RSU1: variants seen among roughly 807,000 people sequenced by gnomAD.
RSU1 encodes the protein Ras suppressor protein 1, also known as rsu-1.
RSU1 carries 26 observed loss-of-function variants against 31.1 expected under a neutral mutation model. The ratio of observed to expected loss-of-function variants is 0.84; its 90% confidence interval spans 0.61 to 1.16. RSU1 has a LOEUF of 1.16. Among genes scored for constraint, RSU1 ranks in the 50% most tolerant of loss-of-function variants. The probability of loss-of-function intolerance (pLI) is 0.00; values close to 1 mark genes in which losing one functional copy is unlikely to be tolerated. For synonymous variants in RSU1, 164 were observed against 136.3 expected (o/e 1.20, Z -1.41); for missense variants, 320 against 339.1 (o/e 0.94, Z 0.44).
intron 2 of RSU1, among the ~76,000 whole-genome samples, chr10:16,790,745 A>T (rs1393272777): frequency 1.3e-5 from 2 of 152,172 alleles, no homozygotes; most frequent in Non-Finnish European, 2.9e-5. Context: ...TGCTTTTCTC[A>T]TGATGGTGAG....
At chr10:16,595,220 A>T (rs1167007934) in intron 8 of RSU1, among the ~76,000 whole-genome samples, 1 of 152,194 alleles carries the variant, frequency 6.6e-6, no homozygotes, top group Non-Finnish European at 1.5e-5. Context: ...GGCGTCCAAT[A>T]CTAGTGTTCT....
At chr10:16,747,053 T>C (rs1208212644) in intron 7 of RSU1, among the ~76,000 whole-genome samples, 4 of 152,110 alleles carry the variant, frequency 2.6e-5, no homozygotes, top group South Asian at 4.1e-4. Flanking sequence ...CCTATGAAGC[T>C]AAAACACACC....
intron 8 of RSU1, among the ~76,000 whole-genome samples, chr10:16,673,512 A>G (rs111744367): frequency 3.3e-5 from 5 of 152,374 alleles, no homozygotes; most frequent in African/African-American, 1.2e-4. Context: ...AATTAATTCC[A>G]TCTGTGAGAA....
At chr10:16,763,346 T>C (rs1280711053) in intron 4 of RSU1, among the ~76,000 whole-genome samples, 2 of 152,088 alleles carry the variant, frequency 1.3e-5, no homozygotes, top group Non-Finnish European at 2.9e-5. Context: ...TGTGGGGAAG[T>C]CTCAGGGAGC....
intron 8 of RSU1, among the ~76,000 whole-genome samples, chr10:16,626,794 G>A (rs1834166194): frequency 6.6e-6 from 1 of 152,142 alleles, no homozygotes; most frequent in Non-Finnish European, 1.5e-5. Context: ...TCTCATGTAT[G>A]GGGGATTCTA....
intron 2 of RSU1, 101 bp from the exon 3 acceptor site, chr10:16,782,185 A>G: frequency 3.4e-6 from 3 of 870,128 alleles, no homozygotes; most frequent in Admixed American, 2.2e-5. Context: ...TTATTTTCAC[A>G]GGTTGAAGCA....
At chr10:16,618,028 C>T (rs947885493) in intron 8 of RSU1, among the ~76,000 whole-genome samples, 18 of 152,138 alleles carry the variant, frequency 1.2e-4, no homozygotes, top group East Asian at 1.2e-3. Flanking sequence ...AAAGAAACTA[C>T]CATCAGAATG....
chr10:16,592,635 C>T lies in RSU1; in HGVS notation c.*759G>A, dbSNP rs901971243. 2.0e-5 allele frequency: 3 copies of T among 151,954 alleles called. No homozygotes were observed. Among genetic ancestry groups the T allele is most frequent in the African/African-American group, 4.8e-5 (2 of 41,332 alleles). 9.4% of individuals were successfully genotyped at this position (151,954 alleles called of 1,614,324 possible). On this transcript the variant is annotated 3_prime_UTR_variant, in exon 9 of 9. Transcript: ENST00000345264. ...CTGGCAGAAATCACCATTTCTTCGG[C>T]GAAGGAATGCTACTTTCCAAAATCC...
At chr10:16,621,589 C>G (rs1040237633) in intron 8 of RSU1, among the ~76,000 whole-genome samples, 1 of 152,140 alleles carries the variant, frequency 6.6e-6, no homozygotes, top group African/African-American at 2.4e-5. Context: ...ACTCACAGTT[C>G]CACATGATTG....
chr10:16,678,300 G>C (rs945469761), intron 8 of RSU1, among the ~76,000 whole-genome samples: 2 of 152,112 alleles, frequency 1.3e-5, no homozygotes, highest in African/African-American at 4.8e-5. Flanking sequence ...ATTCTTCCAA[G>C]AACATAGGAA....
chr10:16,653,514 G>C (rs528872573), intron 8 of RSU1, among the ~76,000 whole-genome samples: 4 of 152,244 alleles, frequency 2.6e-5, no homozygotes, highest in Admixed American at 6.5e-5. Context: ...CTTTGACTGA[G>C]AGCATGAACT....
intron 8 of RSU1, among the ~76,000 whole-genome samples, chr10:16,664,698 T>A (rs1178579360): frequency 6.6e-6 from 1 of 152,210 alleles, no homozygotes. Flanking sequence ...CTTTGAACTC[T>A]ACTATAATTT....
chr10:16,617,707 G>T (rs1167550973), intron 8 of RSU1, among the ~76,000 whole-genome samples: 1 of 152,054 alleles, frequency 6.6e-6, no homozygotes, highest in Admixed American at 6.6e-5. Flanking sequence ...TCTGACCTTC[G>T]ACAAACCTGA....
At chr10:16,675,337 T>C (rs1466852702) in intron 8 of RSU1, among the ~76,000 whole-genome samples, 2 of 152,200 alleles carry the variant, frequency 1.3e-5, no homozygotes, top group Non-Finnish European at 2.9e-5. Flanking sequence ...TCACTGTTAT[T>C]GTTCCATAAT....
intron 2 of RSU1, among the ~76,000 whole-genome samples, chr10:16,803,002 C>T (rs1202591559): frequency 6.6e-6 from 1 of 152,100 alleles, no homozygotes; most frequent in Non-Finnish European, 1.5e-5. Context: ...CACTTCTAGC[C>T]AAAATCAGAT....
intron 8 of RSU1, among the ~76,000 whole-genome samples, chr10:16,644,566 G>A (rs372651115): frequency 1.7e-3 from 263 of 152,314 alleles, no homozygotes; most frequent in African/African-American, 6.1e-3. Context: ...CTTGCTCAAG[G>A]TCATACAGCT....
chr10:16,711,479 G>C (rs1470868535), intron 7 of RSU1, among the ~76,000 whole-genome samples: 2 of 152,002 alleles, frequency 1.3e-5, no homozygotes, highest in African/African-American at 2.4e-5. Flanking sequence ...TACGTCATTA[G>C]GTTGTTCATT....
rs535404541 is a variant in RSU1 at position 16,750,282 on chromosome 10, G to A, written c.598+2257C>T. Among the ~76,000 whole-genome samples, 275 of 152,190 alleles carry A rather than the reference G, an allele frequency of 1.8e-3. 3 individuals are homozygous for A. Among genetic ancestry groups the A allele is most frequent in the Non-Finnish European group, 7.9e-4 (54 of 68,012 alleles). On this transcript the variant is annotated intron_variant, in intron 7 of 8. Transcript: ENST00000345264. ...ACAGTGACTTCTAAAGGTTTATCAC[G>A]TACTTACAACTGTTTGTCTATAATC...
At chr10:16,742,898 A>C (rs187407722) in intron 7 of RSU1, among the ~76,000 whole-genome samples, 127 of 152,348 alleles carry the variant, frequency 8.3e-4, no homozygotes, top group African/African-American at 2.8e-3. Context: ...CATTTTAAAA[A>C]TCCATGCTGA....
Sources: gnomAD v4.1 joint callset for allele counts (sites outside exome capture counted in the v4.1 genomes callset) on GRCh38, gnomAD v4.1.1 for gene constraint, MANE v1.5 for transcripts, NCBI Gene and HGNC (gene_info 2026-07-23, HGNC 2026-07-21) for gene names.